The following IGSF11 variants were observed in gnomAD, a reference collection of about 807,000 sequenced individuals.
IGSF11 encodes the protein immunoglobulin superfamily member 11, also known as CXADR like 1.
In IGSF11, 22 loss-of-function variants were observed where a neutral mutation model predicts 41.0. That is an observed-to-expected ratio of 0.54 (90% CI 0.38 to 0.77). The LOEUF is 0.77. Ranked by LOEUF, IGSF11 falls within the 30% of genes least tolerant of loss-of-function variation. The pLI is 0.00. For missense variants in IGSF11, 444 were observed against 530.8 expected, an observed-to-expected ratio of 0.84 and a Z score of 1.61; for synonymous variants, 219 against 201.3, an observed-to-expected ratio of 1.09 and a Z score of -0.74.
chr3:118,937,318 T>C (rs1056984145), intron 1 of IGSF11, among the ~76,000 whole-genome samples: 4 of 152,104 alleles, frequency 2.6e-5, no homozygotes, highest in Non-Finnish European at 4.4e-5. Flanking sequence ...CTGACATGAG[T>C]TCAAAAAATA....
chr3:119,020,464 A>C (rs1939180650), intron 1 of IGSF11, among the ~76,000 whole-genome samples: 1 of 152,268 alleles, frequency 6.6e-6, no homozygotes, highest in African/African-American at 2.4e-5. Flanking sequence ...TGGTGAGAAC[A>C]AGAATGAGAA....
intron 1 of IGSF11, among the ~76,000 whole-genome samples, chr3:118,934,064 T>C (rs1943064642): frequency 1.3e-5 from 2 of 152,154 alleles, no homozygotes. Context: ...ACAAAATTCC[T>C]ACTTCCCTAC....
At chr3:118,938,952 A>T (rs1943479011) in intron 1 of IGSF11, among the ~76,000 whole-genome samples, 1 of 152,204 alleles carries the variant, frequency 6.6e-6, no homozygotes, top group African/African-American at 2.4e-5. Context: ...CACTGACAGA[A>T]TTAAAAGGAG....
intron 1 of IGSF11, among the ~76,000 whole-genome samples, chr3:119,139,425 G>C (rs769003739): frequency 2.6e-5 from 4 of 152,220 alleles, no homozygotes; most frequent in Non-Finnish European, 4.4e-5. Context: ...CGTGTTGTAG[G>C]AGGTACCCGG....
At chr3:119,029,686 T>C (rs990338346) in intron 1 of IGSF11, among the ~76,000 whole-genome samples, 2 of 152,196 alleles carry the variant, frequency 1.3e-5, no homozygotes, top group South Asian at 2.1e-4. Context: ...CAGTGAAACT[T>C]TGGGCAAAAG....
At chr3:119,120,150 C>A (rs2077313019) in intron 1 of IGSF11, among the ~76,000 whole-genome samples, 1 of 152,264 alleles carries the variant, frequency 6.6e-6, no homozygotes, top group Non-Finnish European at 1.5e-5. Flanking sequence ...CACACAGAAC[C>A]CTTTGGCAAA....
intron 1 of IGSF11, among the ~76,000 whole-genome samples, chr3:119,122,354 T>C (rs1473366112): frequency 2.0e-5 from 3 of 152,168 alleles, no homozygotes; most frequent in Non-Finnish European, 2.9e-5. Flanking sequence ...AAGAAAGCAT[T>C]TGGACTGGCC....
chr3:119,087,491 G>A (rs373134951), intron 1 of IGSF11, among the ~76,000 whole-genome samples: 2 of 152,140 alleles, frequency 1.3e-5, no homozygotes, highest in South Asian at 2.1e-4. Flanking sequence ...GATGGAATTG[G>A]AGACGATTAT....
At chr3:119,049,800 G>T (rs1281343375) in intron 1 of IGSF11, among the ~76,000 whole-genome samples, 3 of 150,278 alleles carry the variant, frequency 2.0e-5, no homozygotes, top group South Asian at 4.3e-4. Context: ...CCAAAACAGA[G>T]ATGTAGATCA....
At chr3:118,955,780 G>A (rs556175904) in intron 1 of IGSF11, among the ~76,000 whole-genome samples, 23 of 152,056 alleles carry the variant, frequency 1.5e-4, no homozygotes, top group Non-Finnish European at 3.2e-4. Context: ...TTTCAGGATG[G>A]TAAATGGGTG....
intron 1 of IGSF11, among the ~76,000 whole-genome samples, chr3:119,067,140 T>G (rs1277847674): frequency 6.6e-6 from 1 of 152,204 alleles, no homozygotes; most frequent in African/African-American, 2.4e-5. Context: ...ATTTAAAAAA[T>G]GATACAAAGC....
Position 119,011,976 on chromosome 3 carries a change from C to T in IGSF11, c.52+22555G>A, listed in dbSNP as rs896913892. 2.0e-5 allele frequency among the ~76,000 whole-genome samples: 3 copies of T among 151,612 alleles called. No homozygotes were observed. In the East Asian group the frequency reaches 5.8e-4, roughly 29 times the overall value. ...GTGTGTGTGTGTGTGTGTGTATACACACATATATATAGGTATATATTCTTT... is the reference window on the plus strand; with the variant it reads ...GTGTGTGTGTGTGTGTGTGTATACATACATATATATAGGTATATATTCTTT... On this transcript the variant is annotated intron_variant, in intron 1 of 6. Transcript: ENST00000393775.
At chr3:118,942,734 C>A (rs1306254992) in intron 1 of IGSF11, among the ~76,000 whole-genome samples, 1 of 152,198 alleles carries the variant, frequency 6.6e-6, no homozygotes, top group Non-Finnish European at 1.5e-5. Context: ...CTCTTCTAAG[C>A]CTATCTTTGT....
chr3:119,121,721 C>T (rs192974338), intron 1 of IGSF11, among the ~76,000 whole-genome samples: 15 of 151,866 alleles, frequency 9.9e-5, no homozygotes, highest in African/African-American at 2.4e-4. Flanking sequence ...CAATGAACTC[C>T]GAGTAGAATA....
intron 1 of IGSF11, among the ~76,000 whole-genome samples, chr3:119,121,244 C>T (rs1165779878): frequency 6.6e-6 from 1 of 151,784 alleles, no homozygotes; most frequent in African/African-American, 2.4e-5. Context: ...TTGGATTTAG[C>T]AGAAAAAGAT....
chr3:118,923,627 G>A (rs976345100), intron 4 of IGSF11, among the ~76,000 whole-genome samples: 3 of 152,160 alleles, frequency 2.0e-5, no homozygotes, highest in African/African-American at 7.2e-5. Context: ...CGCTAAGCAT[G>A]TGGGAGTTAT....
At chr3:119,007,295 T>G (rs1937563654) in intron 1 of IGSF11, among the ~76,000 whole-genome samples, 1 of 139,930 alleles carries the variant, frequency 7.1e-6, no homozygotes, top group Non-Finnish European at 1.5e-5. Context: ...GCTTCCCAGG[T>G]GAGGCAATGC....
rs1021271055 is a variant in IGSF11, at chr3:119,014,269, T to C, written c.52+20262A>G. 5.3e-5 allele frequency among the ~76,000 whole-genome samples: 8 copies of C among 152,190 alleles called. No individual in the cohort carries two copies. In the East Asian group the frequency reaches 9.6e-4, roughly 18 times the overall value. The stretch of plus-strand genomic sequence containing the variant: ...TTGAGTATTTTCTTCTGTTACATCT[T>C]ACCCAGTCTGGAATACAATGGCATG... On this transcript the variant is annotated intron_variant, in intron 1 of 6. Transcript: ENST00000393775.
chr3:118,973,803 C>T lies in IGSF11; in HGVS notation c.53-43528G>A, dbSNP rs546002610. On this transcript the variant is annotated intron_variant, in intron 1 of 6. Transcript: ENST00000393775. ...GAAGCAATGGCAGAGATGAACACGA[C>T]ACATTTTAAAGACAGGCAGGACACA... Among the ~76,000 whole-genome samples, 7 of 152,210 alleles carry T rather than the reference C, an allele frequency of 4.6e-5. No homozygotes were observed. The South Asian group carries it at 1.5e-3, about 32-fold the overall frequency.
Sources: allele counts gnomAD v4.1 joint callset (sites outside exome capture counted in the v4.1 genomes callset), GRCh38; gene constraint gnomAD v4.1.1; transcripts MANE v1.5; gene names NCBI Gene and HGNC (gene_info 2026-07-23, HGNC 2026-07-21).